The following LTBP1 variants were observed in gnomAD, a reference collection of about 807,000 sequenced individuals.
The protein encoded by LTBP1 is latent transforming growth factor beta binding protein 1, also known as latent-transforming growth factor beta-binding protein 1.
A neutral mutation model predicts 207.6 loss-of-function variants in LTBP1; 129 were observed. The ratio of observed to expected loss-of-function variants is 0.62; its 90% confidence interval spans 0.54 to 0.72. The LOEUF (loss-of-function observed/expected upper bound fraction) is 0.72. Ranked by LOEUF, LTBP1 falls within the 30% of genes least tolerant of loss-of-function variation. The probability of loss-of-function intolerance (pLI) is 0.00; values close to 1 mark genes in which losing one functional copy is unlikely to be tolerated. For synonymous variants in LTBP1, 963 were observed against 833.7 expected (o/e 1.16, Z -2.67); for missense variants, 2,281 against 2,217.2 (o/e 1.03, Z -0.58).
At chr2:33,036,262 C>G (rs1256426394) in intron 3 of LTBP1, among the ~76,000 whole-genome samples, 3 of 152,088 alleles carry the variant, frequency 2.0e-5, no homozygotes, top group African/African-American at 7.2e-5. Context: ...GGGTGGCTGA[C>G]AAACTCGCAG....
intron 2 of LTBP1, among the ~76,000 whole-genome samples, chr2:32,951,409 A>G (rs552284987): frequency 3.0e-4 from 46 of 152,314 alleles, no homozygotes; most frequent in African/African-American, 1.1e-3. Flanking sequence ...TGGATATTTA[A>G]AAGAGGGGAC....
intron 5 of LTBP1, among the ~76,000 whole-genome samples, chr2:33,158,143 AAAAAC>A (rs2084139222): frequency 8.5e-6 from 1 of 118,286 alleles, no homozygotes. Context: ...GTCTCAAAAA[AAAAAC>A]AAAAAAAAAA....
intron 2 of LTBP1, among the ~76,000 whole-genome samples, chr2:33,012,597 G>A (rs964883074): frequency 6.6e-6 from 1 of 152,016 alleles, no homozygotes; most frequent in Admixed American, 6.5e-5. Context: ...CTTTCCTATT[G>A]GACTCTGATC....
intron 9 of LTBP1, among the ~76,000 whole-genome samples, chr2:33,233,630 G>A (rs906569740): frequency 6.6e-6 from 1 of 151,950 alleles, no homozygotes; most frequent in African/African-American, 2.4e-5. Flanking sequence ...TTTCTGTCTA[G>A]CAATTTTATG....
At chr2:33,120,265 T>C (rs1174561915) in intron 4 of LTBP1, among the ~76,000 whole-genome samples, 1 of 150,908 alleles carries the variant, frequency 6.6e-6, no homozygotes, top group Non-Finnish European at 1.5e-5. Context: ...GGGGTTTCGT[T>C]GTACAGATTA....
chr2:33,021,005 T>C lies in LTBP1; in HGVS notation c.662T>C (p.Ile221Thr). 2 of 1,613,918 alleles carry C rather than the reference T, an allele frequency of 1.2e-6. No homozygotes were observed. The highest frequency in any genetic ancestry group is 2.2e-5 in the East Asian group (1 of 44,878). Residue 221 changes from isoleucine (I) to threonine (T), a missense_variant, in exon 3 of 34, where the codon ATA becomes ACA. Physicochemically the swap from Ile to Thr is moderately conservative, Grantham distance 89. Around this residue, in one of 3 missense-constraint regions of LTBP1, gnomAD observed 555 missense variants for 491.0 expected, o/e 1.13. Coordinates refer to ENST00000404816, the MANE Select transcript of LTBP1 (RefSeq NM_206943.4). ...PGTKGKACET[I>T]AAQDTSSPVF... ...ACCAAGGGCAAAGCCTGTGAAACAA[T>C]AGCTGCCCAGGACACCTCGTCACCA...
chr2:33,158,459 G>C, intron 5 of LTBP1, among the ~76,000 whole-genome samples: 1 of 152,164 alleles, frequency 6.6e-6, no homozygotes, highest in Non-Finnish European at 1.5e-5. Context: ...TCACAGTTCT[G>C]TGCCACTTTT....
rs551385935 is a variant in LTBP1 at position 33,307,516 on chromosome 2, G to C, written c.3482-1918G>C. On this transcript the variant is annotated intron_variant, in intron 22 of 33. Coordinates refer to ENST00000404816, the MANE Select transcript of LTBP1 (RefSeq NM_206943.4). ...GGGTGAATCTCAAAACTATTATGCC[G>C]AGAGGAAGAAGCCCCAAAGCACAAA... 2.0e-5 allele frequency among the ~76,000 whole-genome samples: 3 copies of C among 152,296 alleles called. No individual in the cohort carries two copies. In the South Asian group the frequency reaches 6.2e-4, roughly 32 times the overall value.
intron 2 of LTBP1, among the ~76,000 whole-genome samples, chr2:32,964,261 A>G (rs1294571537): frequency 6.6e-6 from 1 of 152,216 alleles, no homozygotes; most frequent in East Asian, 1.9e-4. Context: ...TAGGAAAGGA[A>G]TTGCCTATTA....
At chr2:33,206,671 G>A (rs1270151630) in intron 7 of LTBP1, among the ~76,000 whole-genome samples, 4 of 151,742 alleles carry the variant, frequency 2.6e-5, no homozygotes, top group Non-Finnish European at 4.4e-5. Context: ...CCTGGGAGGC[G>A]GAGCTTGCAG....
chr2:33,052,748 G>T (rs219069), intron 3 of LTBP1, among the ~76,000 whole-genome samples: 2 of 152,262 alleles, frequency 1.3e-5, no homozygotes, highest in East Asian at 3.9e-4. Context: ...TCGTTTAGTT[G>T]TAGTACCTTA....
chr2:33,118,785 G>A (rs532090814), intron 4 of LTBP1, among the ~76,000 whole-genome samples: 12 of 152,290 alleles, frequency 7.9e-5, no homozygotes, highest in Admixed American at 5.2e-4. Context: ...TTAGGGCGTG[G>A]AGGGGAGGAT....
intron 3 of LTBP1, among the ~76,000 whole-genome samples, chr2:33,081,223 G>T (rs2078377548): frequency 6.6e-6 from 1 of 152,128 alleles, no homozygotes; most frequent in African/African-American, 2.4e-5. Context: ...CCTCTGGAAT[G>T]AAGATTTTAG....
chr2:33,397,588 A>C (rs1484998582), intron 33 of LTBP1, among the ~76,000 whole-genome samples: 2 of 142,766 alleles, frequency 1.4e-5, no homozygotes, highest in African/African-American at 2.7e-5. Context: ...ACTCACTGCA[A>C]CTTCTGCCTC....
intron 24 of LTBP1, among the ~76,000 whole-genome samples, chr2:33,326,477 G>A (rs1257874352): frequency 2.0e-5 from 3 of 150,314 alleles, no homozygotes; most frequent in African/African-American, 5.0e-5. Flanking sequence ...AAATGTAAAT[G>A]CTGGCATACT....
chr2:33,054,756 C>T lies in LTBP1; in HGVS notation c.863+33550C>T, dbSNP rs189261184. Among the ~76,000 whole-genome samples, 620 of 152,198 alleles carry T rather than the reference C, an allele frequency of 4.1e-3. 7 individuals carry two copies. The highest frequency in any genetic ancestry group is 0.014 in the African/African-American group (572 of 41,534). ...CCAGGAGGAAGTCAATTTCCTGGCC[C>T]TCAGTAGTTAAATGTACCCGGGGCT... On this transcript the variant is annotated intron_variant, in intron 3 of 33. Transcript: ENST00000404816.
intron 7 of LTBP1, among the ~76,000 whole-genome samples, chr2:33,195,132 A>T (rs866320342): frequency 1.3e-5 from 2 of 152,224 alleles, no homozygotes; most frequent in African/African-American, 2.4e-5. Context: ...ATGGAGATGT[A>T]CAAAAAGATG....
intron 26 of LTBP1, among the ~76,000 whole-genome samples, chr2:33,356,745 TCTC>T (rs1469900331): frequency 6.6e-6 from 1 of 152,242 alleles, no homozygotes; most frequent in Non-Finnish European, 1.5e-5. Context: ...TTCCTTGACA[TCTC>T]CTTGAAATAT....
intron 3 of LTBP1, among the ~76,000 whole-genome samples, chr2:33,071,744 A>G (rs950859980): frequency 1.3e-5 from 2 of 152,194 alleles, no homozygotes; most frequent in African/African-American, 4.8e-5. Context: ...ATATCATCAC[A>G]CGTGGGACAT....
Sources: allele counts gnomAD v4.1 joint callset (sites outside exome capture counted in the v4.1 genomes callset), GRCh38; gene constraint gnomAD v4.1.1; regional missense constraint gnomAD v4.1.1; transcripts MANE v1.5; gene names NCBI Gene and HGNC (gene_info 2026-07-23, HGNC 2026-07-21).